Variants in KIF5A observed in about 807,000 individuals in gnomAD.
The protein encoded by KIF5A is kinesin heavy chain isoform 5A.
In KIF5A, 35 loss-of-function variants were observed where a neutral mutation model predicts 141.3. The observed-to-expected ratio is 0.25, with a 90% confidence interval of 0.19 to 0.33. The LOEUF (loss-of-function observed/expected upper bound fraction) is 0.33. Among genes scored for constraint, KIF5A ranks in the 10% least tolerant of loss-of-function variants. The probability of loss-of-function intolerance (pLI) is 1.00; values close to 1 mark genes in which losing one functional copy is unlikely to be tolerated. For synonymous variants in KIF5A, 448 were observed against 500.2 expected (o/e 0.90, Z 1.39); for missense variants, 861 against 1,314.3 (o/e 0.66, Z 5.33).
chr12:57,580,116 A>T (rs1207469728), intron 23 of KIF5A, among the ~76,000 whole-genome samples: 1 of 152,218 alleles, frequency 6.6e-6, no homozygotes, highest in Non-Finnish European at 1.5e-5. Flanking sequence ...ACTGCATGGA[A>T]GGGTTTCTAG....
Position 57,569,247 on chromosome 12 carries a change from C to A in KIF5A, c.820-9C>A, listed in dbSNP as rs185306438. The A allele has an allele frequency of 3.7e-5, 59 of 1,613,764 alleles. No individual in the cohort carries two copies. In the East Asian group the frequency reaches 1.3e-3, roughly 35 times the overall value. ...TTATTTCTGATTCCTGGTCTCCTTC[C>A]TCCCCCAGAAAAGCTATGTTCCATA... On this transcript the variant is annotated splice_polypyrimidine_tract_variant and intron_variant, in intron 9 of 28. Transcript: ENST00000455537.
At chr12:57,567,661 CTTTTTTT>C in intron 8 of KIF5A, 43 bp downstream of exon 8, 1 of 1,313,296 alleles carries the variant, frequency 7.6e-7, no homozygotes, top group Non-Finnish European at 1.0e-6. Flanking sequence ...AGCCTTGGCT[CTTTTTTT>C]TTTTTTTTTT....
chr12:57,563,379 G>T, intron 1 of KIF5A, 60 bp from the exon 2 acceptor site: 2 of 1,209,930 alleles, frequency 1.7e-6, no homozygotes, highest in Non-Finnish European at 2.5e-6. Context: ...GGAGGTTGTG[G>T]TATTTCTTTT....
At chr12:57,558,336 T>C (rs1000361892) in intron 1 of KIF5A, among the ~76,000 whole-genome samples, 8 of 152,010 alleles carry the variant, frequency 5.3e-5, no homozygotes, top group African/African-American at 1.9e-4. Flanking sequence ...GGTCAGGAGA[T>C]GGAGACCATC....
intron 16 of KIF5A, 98 bp from the exon 17 acceptor site, chr12:57,575,542 A>C: frequency 9.5e-7 from 1 of 1,053,454 alleles, no homozygotes; most frequent in Non-Finnish European, 1.5e-6. Flanking sequence ...GTGTAGCAGG[A>C]GGGAGGGCTG....
Position 57,564,225 on chromosome 12 carries a change from C to T in KIF5A, c.396+13C>T, listed in dbSNP as rs377008480. ...GTTCCACATCAAGGTGACCAGGGCA[C>T]GACAGCTGGGCATTCAGATGGGGAC... On this transcript the variant is annotated intron_variant, in intron 4 of 28. Transcript: ENST00000455537. The T allele has an allele frequency of 3.3e-5, 51 of 1,555,560 alleles. No individual in the cohort carries two copies. The highest frequency in any genetic ancestry group is 3.7e-5 in the Non-Finnish European group (42 of 1,126,780).
Position 57,550,825 on chromosome 12 carries a change from G to A in KIF5A, c.129+425G>A, listed in dbSNP as rs2140150626. 6.6e-6 allele frequency among the ~76,000 whole-genome samples: 1 copy of A among 152,330 alleles called. No homozygotes were observed. Among genetic ancestry groups the A allele is most frequent in the African/African-American group, 2.4e-5 (1 of 41,566 alleles). On this transcript the variant is annotated intron_variant, in intron 1 of 28. Coordinates refer to ENST00000455537, the MANE Select transcript of KIF5A (RefSeq NM_004984.4). This position sits in a 1 kb window ranked among gnomAD's most constrained non-coding sequence, Gnocchi z 4.6. The stretch of plus-strand genomic sequence containing the variant: ...GAAGACTTTTGGGTGGATTAGATGG[G>A]AGGTGAGCAGTCCAGGGTCTCTGCA...
intron 1 of KIF5A, 104 bp from the exon 2 acceptor site, chr12:57,563,335 T>C: frequency 1.2e-6 from 1 of 818,016 alleles, no homozygotes; most frequent in East Asian, 2.6e-5. Context: ...ATTAAGGGCA[T>C]TGAAGAAAAG....
chr12:57,559,364 A>C (rs1379258486), intron 1 of KIF5A, among the ~76,000 whole-genome samples: 1 of 152,204 alleles, frequency 6.6e-6, no homozygotes, highest in African/African-American at 2.4e-5. Flanking sequence ...CATTCTCACC[A>C]GTGTAATGCG....
chr12:57,577,918 T>G, intron 21 of KIF5A, 91 bp from the exon 22 acceptor site: 1 of 1,262,298 alleles, frequency 7.9e-7, no homozygotes, highest in Non-Finnish European at 1.2e-6. Flanking sequence ...AGTGACTCAC[T>G]TGATTATAGA....
chr12:57,573,002 C>A (rs1228601263), intron 15 of KIF5A, among the ~76,000 whole-genome samples: 4 of 152,202 alleles, frequency 2.6e-5, no homozygotes, highest in Non-Finnish European at 5.9e-5. Context: ...CCTGACCTCG[C>A]CAACATGGCG....
rs1484153242 is a variant in KIF5A, at chr12:57,581,065, A to G, written c.2648A>G (p.Lys883Arg). 3 of 1,614,128 alleles carry G rather than the reference A, an allele frequency of 1.9e-6. No individual in the cohort carries two copies. Among genetic ancestry groups the G allele is most frequent in the South Asian group, 2.2e-5 (2 of 91,082 alleles). The change falls in exon 24 of 29, where the codon AAG (lysine) becomes AGG (arginine). Residue 883 changes from lysine to arginine, a missense_variant. Transcript: ENST00000455537. ...CTGGAGGGTGCACTGAAGGAGGCCA[A>G]GGAGGGCGCCATGAAGGACAAGCGC... ...KALEGALKEAKEGAMKDKRRY... is the reference protein window; with the variant it reads ...KALEGALKEAREGAMKDKRRY...
chr12:57,580,613 CAT>C (rs1882565534), intron 23 of KIF5A, among the ~76,000 whole-genome samples: 1 of 152,208 alleles, frequency 6.6e-6, no homozygotes, highest in African/African-American at 2.4e-5. Flanking sequence ...TGATCTGGCA[CAT>C]GCTGGGAGAT....
chr12:57,568,031 C>T (rs191551547), intron 8 of KIF5A, among the ~76,000 whole-genome samples: 198 of 151,828 alleles, frequency 1.3e-3, no homozygotes, highest in Non-Finnish European at 2.0e-3. Context: ...TACAGGCTCC[C>T]GCCACCAAGC....
rs1392363068 is a variant in KIF5A, at chr12:57,567,150, A to G, written c.526A>G (p.Ser176Gly). The G allele has an allele frequency of 6.2e-7, 1 of 1,613,044 alleles. No homozygotes were observed. Among genetic ancestry groups the G allele is most frequent in the Non-Finnish European group, 8.5e-7 (1 of 1,179,396 alleles). Residue 176 changes from serine to glycine, a missense_variant, in exon 7 of 29, where the codon AGC (serine) becomes GGC (glycine). Ser to Gly is a moderately conservative substitution (Grantham distance 56). Coordinates refer to ENST00000455537, the MANE Select transcript of KIF5A (RefSeq NM_004984.4). ...GGGTTGTACTGAACGCTTTGTGTCC[A>G]GCCCGGAGGAGATTCTGGATGTGAT... ...VKGCTERFVS[S>G]PEEILDVIDE...
At chr12:57,559,820 G>C (rs577551742) in intron 1 of KIF5A, among the ~76,000 whole-genome samples, 1 of 152,094 alleles carries the variant, frequency 6.6e-6, no homozygotes, top group East Asian at 1.9e-4. Context: ...TTTTGTGTTT[G>C]GATTCTTTCA....
intron 2 of KIF5A, 38 bp from the exon 3 acceptor site, chr12:57,563,582 T>C (rs769732167): frequency 8.7e-6 from 14 of 1,610,282 alleles, no homozygotes; most frequent in Non-Finnish European, 1.2e-5. Flanking sequence ...CTACCCGACC[T>C]ATCTCCACCA....
intron 26 of KIF5A, among the ~76,000 whole-genome samples, chr12:57,582,390 C>G (rs896998908): frequency 2.0e-5 from 3 of 152,132 alleles, no homozygotes; most frequent in Admixed American, 1.3e-4. Flanking sequence ...CCCTTGCCTT[C>G]CAGTTCCCTT....
At chr12:57,567,420 T>C (rs1882099263) in intron 7 of KIF5A, 74 bp from the exon 8 acceptor site, 2 of 1,588,226 alleles carry the variant, frequency 1.3e-6, no homozygotes, top group African/African-American at 1.3e-5. Context: ...GGGGCTGGGG[T>C]CAGTGGAAGC....
Sources: gnomAD v4.1 joint callset for allele counts (sites outside exome capture counted in the v4.1 genomes callset) on GRCh38, gnomAD v4.1.1 for gene constraint, Gnocchi (gnomAD v3.1) non-coding constraint, MANE v1.5 for transcripts, NCBI Gene and HGNC (gene_info 2026-07-23, HGNC 2026-07-21) for gene names.